The following SHOC2 variants were observed in gnomAD, a reference collection of about 807,000 sequenced individuals.
SHOC2 encodes the protein SHOC2 leucine rich repeat scaffold protein, also known as leucine-rich repeat protein SHOC-2.
SHOC2 carries 4 observed loss-of-function variants against 50.2 expected under a neutral mutation model. That is an observed-to-expected ratio of 0.08 (90% CI 0.04 to 0.18). The LOEUF (loss-of-function observed/expected upper bound fraction) is 0.18, where lower values mean the gene tolerates loss of function less well. SHOC2 is among the 10% of genes least tolerant of loss of function. The pLI, the probability that SHOC2 is intolerant of heterozygous loss-of-function variation, is 1.00. For missense variants in SHOC2, 388 were observed against 669.6 expected, an observed-to-expected ratio of 0.58 and a Z score of 4.64; for synonymous variants, 218 against 244.5, an observed-to-expected ratio of 0.89 and a Z score of 1.01.
Position 110,985,498 on chromosome 10 carries a change from G to A in SHOC2, c.704-130G>A, listed in dbSNP as rs533604840. 13 of 592,896 alleles carry A rather than the reference G, an allele frequency of 2.2e-5. No individual in the cohort carries two copies. The South Asian group carries it at 3.2e-4, about 14-fold the overall frequency. The allele number at this position is 592,896 out of a possible 1,614,324, so 36.7% of individuals were successfully genotyped here. On this transcript the variant is annotated intron_variant, in intron 2 of 8. Coordinates refer to ENST00000369452, the MANE Select transcript of SHOC2 (RefSeq NM_007373.4). ...GATTTAAAATTTTAAAATAAAAGTTGCCTATCTAATAAGGTTATGTTTCCC... is the reference window on the plus strand; with the variant it reads ...GATTTAAAATTTTAAAATAAAAGTTACCTATCTAATAAGGTTATGTTTCCC...
chr10:110,952,783 A>T (rs147428554), intron 1 of SHOC2, among the ~76,000 whole-genome samples: 1 of 152,054 alleles, frequency 6.6e-6, no homozygotes, highest in African/African-American at 2.4e-5. Context: ...TCATTGTTCA[A>T]TTCCCACTTA....
intron 1 of SHOC2, among the ~76,000 whole-genome samples, chr10:110,955,989 G>A (rs1847453822): frequency 6.6e-6 from 1 of 152,074 alleles, no homozygotes; most frequent in Non-Finnish European, 1.5e-5. Flanking sequence ...TGTAAGTGAT[G>A]GAAACTTATT....
chr10:110,963,494 CT>C (rs778923582), intron 1 of SHOC2, among the ~76,000 whole-genome samples: 45 of 152,190 alleles, frequency 3.0e-4, no homozygotes, highest in Admixed American at 5.9e-4. Context: ...ACATATTTCA[CT>C]TTGTTCTTTT....
chr10:110,929,117 T>G, intron 1 of SHOC2, among the ~76,000 whole-genome samples: 1 of 152,356 alleles, frequency 6.6e-6, no homozygotes, highest in Middle Eastern at 3.4e-3. Flanking sequence ...TTGTTTAATA[T>G]AATTGAAGTT....
chr10:110,926,539 T>C (rs952135776), intron 1 of SHOC2, among the ~76,000 whole-genome samples: 7 of 152,010 alleles, frequency 4.6e-5, no homozygotes, highest in African/African-American at 1.5e-4. Context: ...GATAAGAGAG[T>C]TGAAAATAAG....
At chr10:110,943,637 C>T (rs1012172759) in intron 1 of SHOC2, among the ~76,000 whole-genome samples, 2 of 152,118 alleles carry the variant, frequency 1.3e-5, no homozygotes, top group Non-Finnish European at 2.9e-5. Context: ...AACTCCAGGG[C>T]GTGATCAATA....
chr10:110,940,503 A>G (rs1317371248), intron 1 of SHOC2, among the ~76,000 whole-genome samples: 1 of 152,236 alleles, frequency 6.6e-6, no homozygotes, highest in Non-Finnish European at 1.5e-5. Context: ...TGTTCAAAGT[A>G]TAATGTGATT....
chr10:110,960,154 G>T (rs931746955), intron 1 of SHOC2, among the ~76,000 whole-genome samples: 1 of 152,204 alleles, frequency 6.6e-6, no homozygotes, highest in East Asian at 1.9e-4. Context: ...GGGAAACTAT[G>T]GCCTGATGGC....
At chr10:111,011,184 G>A (rs531358814) in intron 8 of SHOC2, among the ~76,000 whole-genome samples, 2 of 152,274 alleles carry the variant, frequency 1.3e-5, no homozygotes, top group South Asian at 4.1e-4. Context: ...TTGAGAAAAT[G>A]TTACATCTAC....
chr10:110,970,730 T>TG (rs1491396309), intron 2 of SHOC2, among the ~76,000 whole-genome samples: 6 of 76 alleles, frequency 0.079, no homozygotes, highest in Non-Finnish European at 0.31. Context: ...TGTGATGATG[T>TG]TTTTTTTTTT....
At chr10:110,949,043 G>A (rs1847301263) in intron 1 of SHOC2, among the ~76,000 whole-genome samples, 1 of 152,052 alleles carries the variant, frequency 6.6e-6, no homozygotes, top group Admixed American at 6.6e-5. Context: ...CAAAAGATTG[G>A]AAACCTTGTA....
intron 2 of SHOC2, among the ~76,000 whole-genome samples, chr10:110,983,398 G>A (rs1848019744): frequency 6.6e-6 from 1 of 151,804 alleles, no homozygotes. Flanking sequence ...TCTTGAGATG[G>A]AGACTTAGAT....
intron 1 of SHOC2, chr10:110,937,283 T>C: frequency 1.3e-6 from 1 of 757,326 alleles, no homozygotes; most frequent in Non-Finnish European, 2.4e-6. Flanking sequence ...GGTCCAATCC[T>C]GACTCTGTGT....
intron 2 of SHOC2, among the ~76,000 whole-genome samples, chr10:110,965,503 C>T (rs907400966): frequency 1.3e-5 from 2 of 152,026 alleles, no homozygotes; most frequent in African/African-American, 4.8e-5. Context: ...TAATTTACCA[C>T]AAAAGGTTGA....
At chr10:110,960,442 A>G (rs1445085771) in intron 1 of SHOC2, among the ~76,000 whole-genome samples, 1 of 152,172 alleles carries the variant, frequency 6.6e-6, no homozygotes, top group Non-Finnish European at 1.5e-5. Context: ...CCAACATGGG[A>G]TGGGAAAAGA....
At chr10:110,924,430 G>A (rs919684471) in intron 1 of SHOC2, among the ~76,000 whole-genome samples, 11 of 152,174 alleles carry the variant, frequency 7.2e-5, no homozygotes, top group African/African-American at 2.6e-4. Flanking sequence ...GATAGGGGAG[G>A]GTAATAAAAG....
At chr10:110,926,698 C>T (rs1846782333) in intron 1 of SHOC2, among the ~76,000 whole-genome samples, 1 of 152,088 alleles carries the variant, frequency 6.6e-6, no homozygotes, top group African/African-American at 2.4e-5. Flanking sequence ...GATCTAGGAT[C>T]ATGAAGAAGA....
intron 2 of SHOC2, among the ~76,000 whole-genome samples, chr10:110,982,869 T>A (rs1848009484): frequency 6.6e-6 from 1 of 152,164 alleles, no homozygotes; most frequent in Non-Finnish European, 1.5e-5. Context: ...TGAAATTGTT[T>A]CCTCTATTTT....
intron 1 of SHOC2, among the ~76,000 whole-genome samples, chr10:110,958,619 G>C (rs1452903982): frequency 1.3e-5 from 2 of 152,102 alleles, no homozygotes; most frequent in African/African-American, 4.8e-5. Flanking sequence ...CACCAAAGCT[G>C]TATCTTTATT....
Sources: gnomAD v4.1 joint callset for allele counts (sites outside exome capture counted in the v4.1 genomes callset) on GRCh38, gnomAD v4.1.1 for gene constraint, MANE v1.5 for transcripts, NCBI Gene and HGNC (gene_info 2026-07-23, HGNC 2026-07-21) for gene names.